The following THSD7A variants were observed in gnomAD, a reference collection of about 807,000 sequenced individuals.
THSD7A encodes the protein thrombospondin type 1 domain containing 7A, also known as thrombospondin type-1 domain-containing protein 7A.
A neutral mutation model predicts 231.3 loss-of-function variants in THSD7A; 96 were observed. That is an observed-to-expected ratio of 0.41 (90% CI 0.35 to 0.49). The LOEUF is 0.49. THSD7A is among the 20% of genes least tolerant of loss of function. THSD7A has a pLI of 0.05. For synonymous variants in THSD7A, 940 were observed against 743.3 expected (o/e 1.26, Z -4.30); for missense variants, 2,290 against 2,070.2 (o/e 1.11, Z -2.06).
chr7:11,525,868 A>G (rs1383687155), intron 6 of THSD7A, among the ~76,000 whole-genome samples: 1 of 152,212 alleles, frequency 6.6e-6, no homozygotes, highest in Non-Finnish European at 1.5e-5. Context: ...ATACATGTCC[A>G]CATTCTAAAT....
chr7:11,732,275 T>A (rs1007008864), intron 1 of THSD7A, among the ~76,000 whole-genome samples: 4 of 151,772 alleles, frequency 2.6e-5, no homozygotes, highest in African/African-American at 9.7e-5. Context: ...TTACCATGCA[T>A]TACTTCAAGT....
intron 7 of THSD7A, among the ~76,000 whole-genome samples, chr7:11,481,492 A>G (rs1786421530): frequency 6.6e-6 from 1 of 152,136 alleles, no homozygotes; most frequent in African/African-American, 2.4e-5. Flanking sequence ...CCATTTTCAG[A>G]CCTTCTTAAA....
chr7:11,447,047 C>T (rs925353517), intron 12 of THSD7A, among the ~76,000 whole-genome samples, 183 bp downstream of exon 12: 1 of 152,072 alleles, frequency 6.6e-6, no homozygotes. Context: ...AATTTTCAAG[C>T]CTTCCTTTTC....
intron 22 of THSD7A, among the ~76,000 whole-genome samples, chr7:11,404,116 C>A (rs1783501876): frequency 6.6e-6 from 1 of 152,054 alleles, no homozygotes. Context: ...TCCTTCACAT[C>A]ATTTACCACA....
intron 1 of THSD7A, among the ~76,000 whole-genome samples, chr7:11,772,205 A>C (rs1783253691): frequency 1.8e-5 from 2 of 113,510 alleles, no homozygotes; most frequent in South Asian, 2.6e-4. Context: ...TAAAAAGTTA[A>C]AACAAAAAAA....
chr7:11,584,435 C>G (rs1022801582), intron 4 of THSD7A, among the ~76,000 whole-genome samples: 4 of 152,016 alleles, frequency 2.6e-5, no homozygotes, highest in African/African-American at 9.7e-5. Context: ...AATGTTTCTA[C>G]CTTTTTCCCC....
chr7:11,723,610 A>ATTGTTT (rs1451922254), intron 1 of THSD7A, among the ~76,000 whole-genome samples: 3 of 151,908 alleles, frequency 2.0e-5, no homozygotes, highest in Non-Finnish European at 2.9e-5. Flanking sequence ...TGGTTAGTTG[A>ATTGTTT]TTGTTTTTGC....
rs763734950 is a variant in THSD7A at position 11,406,398 on chromosome 7, C to T, written c.4139G>A (p.Ser1380Asn). 6.2e-7 allele frequency: 1 copy of T among 1,613,938 alleles called. No homozygotes were observed. Among genetic ancestry groups the T allele is most frequent in the Non-Finnish European group, 8.5e-7 (1 of 1,179,858 alleles). Residue 1380 changes from serine (S) to asparagine (N), a missense_variant, in exon 22 of 28, where the codon AGC becomes AAC. Transcript: ENST00000423059. The surrounding 1 kb of genome is among the most constrained non-coding windows in gnomAD (Gnocchi z 4.7). The stretch of plus-strand genomic sequence containing the variant: ...ACAGAATTCCTCATCCACCACTTTG[C>T]TGAAATCATCAGCTGACCCATCACT... ...VVSDGSADDF[S>N]KVVDEEFCAD...
intron 1 of THSD7A, among the ~76,000 whole-genome samples, chr7:11,678,695 G>T (rs776285528): frequency 6.6e-6 from 1 of 152,100 alleles, no homozygotes. Context: ...TGAAATGGGT[G>T]TAGTAATTAA....
chr7:11,434,464 G>A (rs1471488251), intron 13 of THSD7A, among the ~76,000 whole-genome samples: 1 of 152,068 alleles, frequency 6.6e-6, no homozygotes, highest in Non-Finnish European at 1.5e-5. Context: ...TATGAATGTG[G>A]AGATAAAGTA....
At chr7:11,743,462 T>C (rs1445835098) in intron 1 of THSD7A, among the ~76,000 whole-genome samples, 1 of 151,960 alleles carries the variant, frequency 6.6e-6, no homozygotes, top group Non-Finnish European at 1.5e-5. Flanking sequence ...TTGAAGAATA[T>C]CTGATAATTA....
At chr7:11,736,180 G>A (rs184853603) in intron 1 of THSD7A, among the ~76,000 whole-genome samples, 2 of 151,916 alleles carry the variant, frequency 1.3e-5, no homozygotes, top group Admixed American at 1.3e-4. Context: ...AGAAAATAAA[G>A]CTTATTTGGC....
intron 1 of THSD7A, among the ~76,000 whole-genome samples, chr7:11,761,966 C>T (rs190652279): frequency 5.9e-5 from 9 of 152,168 alleles, no homozygotes; most frequent in Admixed American, 3.3e-4. Flanking sequence ...TTCATCTGTA[C>T]CAACTGTATA....
intron 1 of THSD7A, among the ~76,000 whole-genome samples, chr7:11,721,625 T>G (rs915905375): frequency 1.3e-5 from 2 of 151,904 alleles, no homozygotes; most frequent in Non-Finnish European, 2.9e-5. Flanking sequence ...CAGCCACTGA[T>G]GCCTCTCATC....
At chr7:11,670,421 C>T (rs1783337533) in intron 1 of THSD7A, among the ~76,000 whole-genome samples, 1 of 152,140 alleles carries the variant, frequency 6.6e-6, no homozygotes, top group African/African-American at 2.4e-5. Context: ...GGTTGGAGCC[C>T]GAGTTCTGAA....
intron 6 of THSD7A, among the ~76,000 whole-genome samples, chr7:11,491,080 A>T (rs1424762380): frequency 6.6e-6 from 1 of 151,938 alleles, no homozygotes; most frequent in African/African-American, 2.4e-5. Context: ...TTTTTTCCGA[A>T]TTTTGCTTAT....
intron 1 of THSD7A, chr7:11,820,325 T>C: frequency 1.2e-6 from 1 of 812,374 alleles, no homozygotes; most frequent in Non-Finnish European, 1.8e-6. Flanking sequence ...CCCTACTCGG[T>C]TGTGGGCTGT....
chr7:11,633,510 T>C (rs1781727795), intron 2 of THSD7A, among the ~76,000 whole-genome samples: 1 of 152,154 alleles, frequency 6.6e-6, no homozygotes, highest in South Asian at 2.1e-4. Flanking sequence ...GGAAGTGTCA[T>C]TGGCTTGTCC....
intron 6 of THSD7A, among the ~76,000 whole-genome samples, chr7:11,518,101 C>A (rs1016209505): frequency 1.3e-5 from 2 of 152,142 alleles, no homozygotes; most frequent in Admixed American, 6.5e-5. Flanking sequence ...CTGAGACAAC[C>A]CCCTGCTTAG....
Sources: gnomAD v4.1 joint callset for allele counts (sites outside exome capture counted in the v4.1 genomes callset) on GRCh38, gnomAD v4.1.1 for gene constraint, Gnocchi (gnomAD v3.1) non-coding constraint, MANE v1.5 for transcripts, NCBI Gene and HGNC (gene_info 2026-07-23, HGNC 2026-07-21) for gene names.